The following ACAA2 variants were observed in gnomAD, a reference collection of about 807,000 sequenced individuals.
The protein encoded by ACAA2 is acetyl-CoA acyltransferase 2.
ACAA2 carries 35 observed loss-of-function variants against 44.8 expected under a neutral mutation model. That is an observed-to-expected ratio of 0.78 (90% CI 0.60 to 1.04). The LOEUF (loss-of-function observed/expected upper bound fraction) is 1.04. ACAA2 is among the 50% of genes least tolerant of loss of function. The pLI is 0.00. For synonymous variants in ACAA2, 142 were observed against 166.5 expected, an observed-to-expected ratio of 0.85 and a Z score of 1.13; for missense variants, 468 against 482.6, an observed-to-expected ratio of 0.97 and a Z score of 0.28.
At chr18:49,797,629 C>A in intron 2 of ACAA2, 35 bp from the exon 3 acceptor site, 1 of 1,524,984 alleles carries the variant, frequency 6.6e-7, no homozygotes, top group South Asian at 1.2e-5. Context: ...ATAATTTTCT[C>A]TATAAATCTA....
chr18:49,797,500 C>T lies in ACAA2; in HGVS notation c.278G>A (p.Gly93Asp). Residue 93 changes from glycine (G) to aspartate (D), a missense_variant, in exon 3 of 10, where the codon GGT (glycine) becomes GAT (aspartate). Transcript: ENST00000285093. ...ATTCACAATGGACTGAAAACCAGAA[C>T]CACAGAGCCTATTAATCGTGAGAGC... ...TPALTINRLC[G>D]SGFQSIVNGC... is the part of the protein sequence containing the mutation. The T allele has an allele frequency of 6.2e-7, 1 of 1,611,770 alleles. No individual in the cohort carries two copies. The highest frequency in any genetic ancestry group is 8.5e-7 in the Non-Finnish European group (1 of 1,179,700).
chr18:49,790,530 T>C (rs2023385998), intron 7 of ACAA2, among the ~76,000 whole-genome samples: 1 of 152,234 alleles, frequency 6.6e-6, no homozygotes, highest in Non-Finnish European at 1.5e-5. Context: ...ATCTGAAATC[T>C]ATACCCTAGG....
chr18:49,805,986 T>C (rs1254551208), intron 1 of ACAA2, among the ~76,000 whole-genome samples: 1 of 152,180 alleles, frequency 6.6e-6, no homozygotes, highest in African/African-American at 2.4e-5. Flanking sequence ...ACTATGCTCC[T>C]ATCTGACCAA....
chr18:49,791,876 GAAA>G lies in ACAA2; in HGVS notation c.753+273_753+275del, dbSNP rs568640198. On this transcript the variant is annotated intron_variant, in intron 6 of 9. Transcript: ENST00000285093. ...GAAATACGATAAACTGTATGCATGA[GAAA>G]AAAAAAAGTTTGAAAACCAAAATAA... Among the ~76,000 whole-genome samples the G allele has an allele frequency of 9.5e-5, 14 of 147,742 alleles. No individual in the cohort carries two copies. The South Asian group carries it at 2.8e-3, about 29-fold the overall frequency.
chr18:49,792,140 G>T lies in ACAA2; in HGVS notation c.753+12C>A. On this transcript the variant is annotated intron_variant, in intron 6 of 9. Transcript: ENST00000285093. ...AGGAAGAATTCAAGCTAATCTGTGTGGTGATACCAACCGATGCATTCCCTG... is the reference window on the plus strand; with the variant it reads ...AGGAAGAATTCAAGCTAATCTGTGTTGTGATACCAACCGATGCATTCCCTG... The T allele has an allele frequency of 1.9e-6, 3 of 1,608,474 alleles. No homozygotes were observed. Among genetic ancestry groups the T allele is most frequent in the Non-Finnish European group, 2.6e-6 (3 of 1,175,644 alleles).
At chr18:49,812,719 C>T (rs1055683733) in intron 1 of ACAA2, 2 of 152,172 alleles carry the variant, frequency 1.3e-5, no homozygotes, top group Non-Finnish European at 2.9e-5. Flanking sequence ...TGGAACAAAA[C>T]CCCACCTTCT....
chr18:49,813,533 T>C lies in ACAA2; in HGVS notation c.-49A>G. The C allele has an allele frequency of 8.1e-7, 1 of 1,236,948 alleles. No homozygotes were observed. 76.6% of individuals were successfully genotyped at this position (1,236,948 alleles called of 1,614,324 possible). A position where few individuals can be genotyped will look rare whatever the true frequency, so the allele number is the denominator to read the frequency against. ...CGCGGGTCTGTGGTGTGGGGGACGC[T>C]GAGCGGCCGCTCGCAATCACCCAGA... On this transcript the variant is annotated 5_prime_UTR_variant, in exon 1 of 10. Transcript: ENST00000285093.
chr18:49,798,838 T>C (rs1434422218), intron 2 of ACAA2, among the ~76,000 whole-genome samples: 2 of 152,132 alleles, frequency 1.3e-5, no homozygotes, highest in South Asian at 4.1e-4. Flanking sequence ...TTGCCAAGGT[T>C]TGTCAAATAT....
At position 49,783,420 on chromosome 18, in the gene ACAA2, G is replaced by C. The variant is rs1341830236; in HGVS notation, c.*427C>G. On this transcript the variant is annotated 3_prime_UTR_variant, in exon 10 of 10. Coordinates refer to ENST00000285093, the MANE Select transcript of ACAA2 (RefSeq NM_006111.3). The stretch of plus-strand genomic sequence containing the variant: ...TACCAGTGAATTGTACGCTAAAAAA[G>C]GGTTAAGATGGTAAAGTTTATGTAA... 6.4e-6 allele frequency: 1 copy of C among 155,564 alleles called. No homozygotes were observed. Among genetic ancestry groups the C allele is most frequent in the Non-Finnish European group, 1.4e-5 (1 of 69,968 alleles). The allele number at this position is 155,564 out of a possible 1,614,324, so 9.6% of individuals were successfully genotyped here.
chr18:49,809,961 C>T (rs187466146), intron 1 of ACAA2, among the ~76,000 whole-genome samples: 22 of 152,110 alleles, frequency 1.4e-4, no homozygotes, highest in Middle Eastern at 3.4e-3. Context: ...GGAAACGGAC[C>T]GGGCAAGGGA....
At chr18:49,796,188 C>A (rs2023463073) in intron 3 of ACAA2, among the ~76,000 whole-genome samples, 1 of 152,078 alleles carries the variant, frequency 6.6e-6, no homozygotes, top group East Asian at 1.9e-4. Flanking sequence ...GATATTAATA[C>A]CTGGCATAAA....
At chr18:49,797,215 G>C (rs2023474502) in intron 3 of ACAA2, among the ~76,000 whole-genome samples, 1 of 150,914 alleles carries the variant, frequency 6.6e-6, no homozygotes, top group African/African-American at 2.4e-5. Flanking sequence ...GAAACATACA[G>C]TATTTGTCCT....
chr18:49,811,740 A>G (rs1358119744), intron 1 of ACAA2, among the ~76,000 whole-genome samples: 1 of 152,120 alleles, frequency 6.6e-6, no homozygotes. Flanking sequence ...GCCACTAACT[A>G]CCTGTGTTAT....
chr18:49,785,085 T>C, intron 9 of ACAA2, 112 bp downstream of exon 9: 1 of 1,304,280 alleles, frequency 7.7e-7, no homozygotes, highest in Admixed American at 2.4e-5. Flanking sequence ...TAACAGCCAG[T>C]GCAGGAGACA....
chr18:49,809,161 C>T (rs1051473993), intron 1 of ACAA2, among the ~76,000 whole-genome samples: 12 of 152,154 alleles, frequency 7.9e-5, no homozygotes, highest in Non-Finnish European at 1.0e-4. Context: ...TGCCCGACCC[C>T]GCAGGCAGTA....
At chr18:49,810,862 T>C (rs1299624327) in intron 1 of ACAA2, among the ~76,000 whole-genome samples, 1 of 151,096 alleles carries the variant, frequency 6.6e-6, no homozygotes, top group East Asian at 1.9e-4. Context: ...AATTTTTGTA[T>C]TTTTTGTAGA....
intron 2 of ACAA2, among the ~76,000 whole-genome samples, chr18:49,800,160 C>T (rs1296717518): frequency 6.3e-5 from 2 of 31,790 alleles, no homozygotes; most frequent in East Asian, 1.6e-3. Context: ...CCAGCCACCC[C>T]GTCTGGGAGG....
At chr18:49,801,795 TATATATATATATATATA>T (rs1234896749) in intron 2 of ACAA2, among the ~76,000 whole-genome samples, 1 of 139,744 alleles carries the variant, frequency 7.2e-6, no homozygotes, top group African/African-American at 2.7e-5. Flanking sequence ...CATATATATA[TATATATATATATATATA>T]TATCTTATCT....
chr18:49,800,765 G>A (rs1462270825), intron 2 of ACAA2, among the ~76,000 whole-genome samples: 5 of 152,042 alleles, frequency 3.3e-5, no homozygotes, highest in African/African-American at 1.2e-4. Context: ...CACTGCAGAA[G>A]GCCGCAGGGT....
Sources: gnomAD v4.1 joint callset for allele counts (sites outside exome capture counted in the v4.1 genomes callset) on GRCh38, gnomAD v4.1.1 for gene constraint, MANE v1.5 for transcripts, NCBI Gene and HGNC (gene_info 2026-07-23, HGNC 2026-07-21) for gene names.